The following DPP6 variants were observed in gnomAD, a reference collection of about 807,000 sequenced individuals.
DPP6 encodes the protein A-type potassium channel modulatory protein DPP6.
A neutral mutation model predicts 122.6 loss-of-function variants in DPP6; 69 were observed. The ratio of observed to expected loss-of-function variants is 0.56; its 90% CI spans 0.46 to 0.69. The LOEUF is 0.69. Ranked by LOEUF, DPP6 falls within the 30% of genes least tolerant of loss-of-function variation. The pLI is 0.00. For missense variants in DPP6, 928 were observed against 1,116.9 expected (o/e 0.83, Z 2.41); for synonymous variants, 418 against 433.1 (o/e 0.97, Z 0.43).
At chr7:154,489,893 T>A (rs1345544887) in intron 3 of DPP6, among the ~76,000 whole-genome samples, 2 of 149,974 alleles carry the variant, frequency 1.3e-5, no homozygotes, top group African/African-American at 5.1e-5. Flanking sequence ...GAAAGATACG[T>A]TTCTGGAATT....
intron 7 of DPP6, among the ~76,000 whole-genome samples, chr7:154,669,983 C>T (rs1370068576): frequency 6.6e-6 from 1 of 152,160 alleles, no homozygotes; most frequent in African/African-American, 2.4e-5. Context: ...CCTCAGCCTC[C>T]CCAGTAGCTG....
At chr7:153,834,364 A>G in the DPP6 span, among the ~76,000 whole-genome samples, 419 of 152,100 alleles carry the variant, frequency 2.8e-3, no homozygotes, top group Non-Finnish European at 4.9e-3. Flanking sequence ...ATTTCTTTCT[A>G]TGCTAATACT....
chr7:154,551,419 G>T (rs1476489701), intron 4 of DPP6, among the ~76,000 whole-genome samples: 1 of 152,086 alleles, frequency 6.6e-6, no homozygotes, highest in Non-Finnish European at 1.5e-5. Context: ...TCAAGATTCT[G>T]ACTTATTAGA....
intron 1 of DPP6, among the ~76,000 whole-genome samples, chr7:154,165,864 A>G (rs1471008289): frequency 6.6e-6 from 1 of 152,348 alleles, no homozygotes; most frequent in South Asian, 2.1e-4. Flanking sequence ...TTCCTCAGAA[A>G]GAAAGAGGAG....
intron 7 of DPP6, among the ~76,000 whole-genome samples, chr7:154,715,037 A>ATTTTG (rs1841400374): frequency 1.6e-5 from 1 of 63,586 alleles, no homozygotes; most frequent in African/African-American, 4.6e-5. Context: ...TATGATAACT[A>ATTTTG]TTTTATTTTA....
intron 1 of DPP6, among the ~76,000 whole-genome samples, chr7:154,323,340 A>G (rs552489803): frequency 1.3e-5 from 2 of 152,002 alleles, no homozygotes; most frequent in East Asian, 3.9e-4. Flanking sequence ...AAAAAAAAAA[A>G]GCAAGTGCTT....
At chr7:154,798,143 G>C (rs113215925) in intron 12 of DPP6, among the ~76,000 whole-genome samples, 1,695 of 152,330 alleles carry the variant, frequency 0.011, 30 homozygotes, top group South Asian at 0.068. Flanking sequence ...CATTCTCACA[G>C]GGGGAGCTGG....
At chr7:154,346,286 G>A (rs1377151549) in intron 1 of DPP6, among the ~76,000 whole-genome samples, 2 of 152,130 alleles carry the variant, frequency 1.3e-5, no homozygotes, top group East Asian at 3.9e-4. Flanking sequence ...CTACTTTACA[G>A]TGATTCTCTC....
chr7:154,704,651 A>G (rs902441739), intron 7 of DPP6, among the ~76,000 whole-genome samples: 1 of 152,260 alleles, frequency 6.6e-6, no homozygotes, highest in Non-Finnish European at 1.5e-5. Context: ...CAAAAAGACG[A>G]TGACTCACCG....
intron 3 of DPP6, among the ~76,000 whole-genome samples, chr7:154,519,070 T>C (rs569561353): frequency 1.3e-5 from 2 of 152,324 alleles, no homozygotes; most frequent in South Asian, 4.1e-4. Flanking sequence ...ACTCGGAGCT[T>C]AGAGTGATAA....
chr7:153,965,031 C>CCTTCCTTCCTTCCTTCCTTT (rs1373802306), intron 1 of DPP6, among the ~76,000 whole-genome samples: 13 of 120,104 alleles, frequency 1.1e-4, no homozygotes, highest in African/African-American at 5.5e-4. Flanking sequence ...TTCCTTCCTT[C>CCTTCCTTCCTTCCTTCCTTT]CTTTCTTTCT....
At chr7:154,798,799 G>A (rs1798187060) in intron 12 of DPP6, among the ~76,000 whole-genome samples, 1 of 152,312 alleles carries the variant, frequency 6.6e-6, no homozygotes, top group South Asian at 2.1e-4. Flanking sequence ...TTTTCGTAAA[G>A]GAATTCATGG....
intron 1 of DPP6, among the ~76,000 whole-genome samples, chr7:154,141,638 C>CT (rs1450242609): frequency 6.6e-6 from 1 of 152,202 alleles, no homozygotes; most frequent in Non-Finnish European, 1.5e-5. Context: ...TAGAAGGGAC[C>CT]TTTTTAAACT....
chr7:153,771,006 C>T, the DPP6 span, among the ~76,000 whole-genome samples: 1 of 152,064 alleles, frequency 6.6e-6, no homozygotes, highest in Non-Finnish European at 1.5e-5. Context: ...ATTATTGAAA[C>T]CCCAAAAGTA....
At chr7:154,758,006 A>C (rs1587047570) in intron 8 of DPP6, among the ~76,000 whole-genome samples, 1 of 149,188 alleles carries the variant, frequency 6.7e-6, no homozygotes, top group Admixed American at 6.7e-5. Flanking sequence ...CCCGCCACGC[A>C]CGGCCTCCTG....
chr7:154,754,386 C>A (rs1163813814), intron 8 of DPP6, among the ~76,000 whole-genome samples: 1 of 152,098 alleles, frequency 6.6e-6, no homozygotes, highest in Non-Finnish European at 1.5e-5. Context: ...TTGGAAAATC[C>A]AAACTCTGGT....
intron 1 of DPP6, among the ~76,000 whole-genome samples, chr7:154,111,149 A>G (rs1806543359): frequency 6.6e-6 from 1 of 152,194 alleles, no homozygotes; most frequent in African/African-American, 2.4e-5. Flanking sequence ...TTGAAAGGAC[A>G]GACACATTCA....
chr7:154,480,361 A>G (rs1349740832), intron 3 of DPP6, among the ~76,000 whole-genome samples: 2 of 151,860 alleles, frequency 1.3e-5, no homozygotes, highest in Non-Finnish European at 2.9e-5. Flanking sequence ...CACGCCCAGC[A>G]CTCTCCGAAA....
rs1472371375 is a variant in DPP6 at position 154,282,778 on chromosome 7, A to G, written c.244-163436A>G. On this transcript the variant is annotated intron_variant, in intron 1 of 25. Coordinates refer to ENST00000377770, the MANE Select transcript of DPP6 (RefSeq NM_130797.4). The surrounding 1 kb of genome is among the most constrained non-coding windows in gnomAD (Gnocchi z 4.8). ...AAAAAGTATGTATATTTGGGTAGATAAATATAGGGTTGATTCCTAAAGGGT... is the reference window on the plus strand; with the variant it reads ...AAAAAGTATGTATATTTGGGTAGATGAATATAGGGTTGATTCCTAAAGGGT... Among the ~76,000 whole-genome samples the G allele has an allele frequency of 6.6e-6, 1 of 152,226 alleles. No homozygotes were observed. Among genetic ancestry groups the G allele is most frequent in the Non-Finnish European group, 1.5e-5 (1 of 68,034 alleles).
Sources: allele counts gnomAD v4.1 joint callset (sites outside exome capture counted in the v4.1 genomes callset), GRCh38; gene constraint gnomAD v4.1.1; non-coding constraint Gnocchi (gnomAD v3.1); transcripts MANE v1.5; gene names NCBI Gene and HGNC (gene_info 2026-07-23, HGNC 2026-07-21).